Variants in LTF observed in about 807,000 individuals in gnomAD.
The protein encoded by LTF is lactotransferrin.
LTF carries 91 observed loss-of-function variants against 87.2 expected under a neutral mutation model. The ratio of observed to expected loss-of-function variants is 1.04; its 90% confidence interval spans 0.88 to 1.24. LTF has a LOEUF of 1.24. Ranked by LOEUF, LTF falls within the 50% of genes most tolerant of loss-of-function variation. LTF has a pLI of 0.00. For missense variants in LTF, 901 were observed against 904.3 expected, an observed-to-expected ratio of 1.00 and a Z score of 0.05; for synonymous variants, 378 against 356.1, an observed-to-expected ratio of 1.06 and a Z score of -0.69.
At chr3:46,445,965 A>G (rs1702643041) in intron 11 of LTF, among the ~76,000 whole-genome samples, 1 of 152,244 alleles carries the variant, frequency 6.6e-6, no homozygotes, top group African/African-American at 2.4e-5. Flanking sequence ...AATGCATCTG[A>G]CAGACACCCA....
Position 46,459,686 on chromosome 3 carries a change from G to C in LTF, c.177C>G (p.Asp59Glu). The change falls in exon 2 of 17, where the codon GAC becomes GAG. Residue 59 changes from aspartate (D) to glutamate (E), a missense_variant. Transcript: ENST00000231751. Reference sequence around the variant, plus strand: ...TGGCCTGGATACACTGGATGGGGGAGTCTCTCTTTATGCAGCTGACAGGAG... The same window carrying C: ...TGGCCTGGATACACTGGATGGGGGACTCTCTCTTTATGCAGCTGACAGGAG... Reference protein sequence around the residue: ...RGPPVSCIKRDSPIQCIQAIA... With the variant: ...RGPPVSCIKRESPIQCIQAIA... The C allele has an allele frequency of 6.4e-7, 1 of 1,557,176 alleles. No homozygotes were observed. Among genetic ancestry groups the C allele is most frequent in the Non-Finnish European group, 8.7e-7 (1 of 1,155,176 alleles).
At chr3:46,462,388 C>T (rs567223548) in intron 1 of LTF, among the ~76,000 whole-genome samples, 1 of 152,288 alleles carries the variant, frequency 6.6e-6, no homozygotes, top group South Asian at 2.1e-4. Flanking sequence ...ATTCTGCCAA[C>T]CTCTCCATTC....
upstream of LTF, among the ~76,000 whole-genome samples, chr3:46,467,724 C>T (rs926662046): frequency 6.7e-6 from 1 of 149,362 alleles, no homozygotes; most frequent in African/African-American, 2.5e-5. Context: ...AATCACAGCT[C>T]ACTGCAGCCT....
rs376663806 is a variant in LTF at position 46,441,442 on chromosome 3, T to G, written c.1697A>C (p.Asp566Ala). The G allele has an allele frequency of 1.4e-5, 22 of 1,613,710 alleles. No homozygotes were observed. Among genetic ancestry groups the G allele is most frequent in the Non-Finnish European group, 1.9e-5 (22 of 1,179,904 alleles). ...ENAGDVAFVK[D>A]VTVLQNTDGN... The stretch of plus-strand genomic sequence containing the variant: ...ATCAGTGTTCTGCAAGACAGTGACA[T>G]CTTTCACAAATGCAACGTCTCCAGC... The change falls in exon 14 of 17, where the codon GAT becomes GCT. Residue 566 changes from aspartate (D) to alanine (A), a missense_variant. Physicochemically the swap from Asp to Ala is moderately radical, Grantham distance 126. Transcript: ENST00000231751.
rs777559903 is a variant in LTF, at chr3:46,445,298, G to A, written c.1496C>T (p.Thr499Met). Reference sequence around the variant, plus strand: ...CTCCTTACCAAATTTGCAGGAGCCCGTCTGGTTGAAGAGCAGGCCCATGGG... The same window carrying A: ...CTCCTTACCAAATTTGCAGGAGCCCATCTGGTTGAAGAGCAGGCCCATGGG... ...NIPMGLLFNQ[T>M]GSCKFDEYFS... Residue 499 changes from threonine (T) to methionine (M), a missense_variant, in exon 12 of 17, where the codon ACG becomes ATG. Thr to Met is a moderately conservative substitution (Grantham distance 81). Coordinates refer to ENST00000231751, the MANE Select transcript of LTF (RefSeq NM_002343.6). 8.1e-6 allele frequency: 13 copies of A among 1,610,196 alleles called. No homozygotes were observed. Among genetic ancestry groups the A allele is most frequent in the African/African-American group, 1.3e-5 (1 of 74,832 alleles).
chr3:46,469,429 A>G (rs531451746), upstream of LTF: 10 of 152,370 alleles, frequency 6.6e-5, no homozygotes, highest in African/African-American at 2.4e-4. Flanking sequence ...TGGAAATACC[A>G]AAAGGTGCTT....
intron 1 of LTF, among the ~76,000 whole-genome samples, chr3:46,471,652 G>A (rs1559611381): frequency 1.3e-5 from 2 of 152,204 alleles, no homozygotes; most frequent in Non-Finnish European, 2.9e-5. Context: ...CGGGCCACCC[G>A]ATGGCCCCTA....
chr3:46,482,221 C>T (rs544785762), intron 1 of LTF, among the ~76,000 whole-genome samples: 1 of 151,908 alleles, frequency 6.6e-6, no homozygotes, highest in Non-Finnish European at 1.5e-5. Context: ...TTTGGGAGGC[C>T]GAGGCAGGTG....
At chr3:46,440,974 G>A (rs1205481403) in intron 14 of LTF, among the ~76,000 whole-genome samples, 1 of 152,178 alleles carries the variant, frequency 6.6e-6, no homozygotes, top group Non-Finnish European at 1.5e-5. Context: ...GGCTCACATG[G>A]GGATGAATGA....
chr3:46,464,131 G>T (rs1703154012), intron 1 of LTF, among the ~76,000 whole-genome samples: 1 of 152,180 alleles, frequency 6.6e-6, no homozygotes, highest in South Asian at 2.1e-4. Context: ...ACGCATTTAG[G>T]TCACTAATGT....
intron 1 of LTF, among the ~76,000 whole-genome samples, chr3:46,477,311 G>T (rs1465350111): frequency 6.6e-6 from 1 of 152,144 alleles, no homozygotes; most frequent in African/African-American, 2.4e-5. Flanking sequence ...CCTCTGTGAG[G>T]GAGCCCAGGG....
chr3:46,446,836 A>G (rs1408209189), intron 10 of LTF, among the ~76,000 whole-genome samples: 2 of 152,248 alleles, frequency 1.3e-5, no homozygotes, highest in African/African-American at 2.4e-5. Context: ...ACATAAAAAA[A>G]CACATGCTGT....
rs764079632 is a variant in LTF at position 46,445,284 on chromosome 3, AT to A, written c.1509del (p.Lys503AsnfsTer62). 10 of 1,607,028 alleles carry A rather than the reference AT, an allele frequency of 6.2e-6. No individual in the cohort carries two copies. In the Admixed American group the frequency reaches 1.5e-4, roughly 24 times the overall value. ...GLLFNQTGSC[K>X]FDEYFSQSCA... The stretch of plus-strand genomic sequence containing the variant: ...CCGCACCTTTGGAACTCCTTACCAA[AT>A]TTGCAGGAGCCCGTCTGGTTGAAGA... On this transcript the variant is annotated frameshift_variant, in exon 12 of 17. Transcript: ENST00000231751. LOFTEE classifies it high-confidence loss of function.
intron 1 of LTF, chr3:46,463,746 G>A: frequency 6.2e-6 from 4 of 640,454 alleles, no homozygotes; most frequent in Non-Finnish European, 3.9e-6. Context: ...CTAACCCTGT[G>A]CAACAGGCCA....
chr3:46,453,184 A>C (rs534009630), intron 6 of LTF, among the ~76,000 whole-genome samples: 10 of 152,274 alleles, frequency 6.6e-5, no homozygotes, highest in Admixed American at 2.6e-4. Context: ...CAAAATAAGA[A>C]AGGGAAGCCC....
intron 8 of LTF, 34 bp from the exon 9 acceptor site, chr3:46,449,051 C>T (rs1463283854): frequency 6.3e-7 from 1 of 1,579,156 alleles, no homozygotes. Flanking sequence ...GGCTGGGCAA[C>T]CTGAGCTTTG....
At chr3:46,479,569 T>C (rs1703405772) in intron 1 of LTF, among the ~76,000 whole-genome samples, 1 of 152,116 alleles carries the variant, frequency 6.6e-6, no homozygotes, top group Non-Finnish European at 1.5e-5. Context: ...TGTCACCCAG[T>C]CTGAAGTGCA....
intron 2 of LTF, among the ~76,000 whole-genome samples, chr3:46,469,940 C>T (rs1191632725): frequency 6.6e-6 from 1 of 152,090 alleles, no homozygotes; most frequent in African/African-American, 2.4e-5. Context: ...TTGGATCAGC[C>T]CTCTTCTTCC....
chr3:46,481,251 G>A (rs1575330204), intron 1 of LTF, among the ~76,000 whole-genome samples: 1 of 152,216 alleles, frequency 6.6e-6, no homozygotes, highest in East Asian at 1.9e-4. Flanking sequence ...CCTTTCCTAG[G>A]ACAATTATCA....
Sources: gnomAD v4.1 joint callset for allele counts (sites outside exome capture counted in the v4.1 genomes callset) on GRCh38, gnomAD v4.1.1 for gene constraint, MANE v1.5 for transcripts, NCBI Gene and HGNC (gene_info 2026-07-23, HGNC 2026-07-21) for gene names.